Variants in TDRD3 observed in about 807,000 individuals in gnomAD.
TDRD3 encodes tudor domain-containing protein 3.
TDRD3 carries 45 observed loss-of-function variants against 86.7 expected under a neutral mutation model. The observed-to-expected ratio is 0.52, with a 90% CI of 0.41 to 0.67. The LOEUF is 0.67. Ranked by LOEUF, TDRD3 falls within the 30% of genes least tolerant of loss-of-function variation. The probability of loss-of-function intolerance (pLI) is 0.00; values close to 1 mark genes in which losing one functional copy is unlikely to be tolerated. For missense variants in TDRD3, 814 were observed against 889.0 expected (o/e 0.92, Z 1.07); for synonymous variants, 298 against 301.7 (o/e 0.99, Z 0.13).
upstream of TDRD3, among the ~76,000 whole-genome samples, chr13:60,396,267 C>T (rs986062713): frequency 6.6e-6 from 1 of 152,224 alleles, no homozygotes; most frequent in African/African-American, 2.4e-5. Context: ...AAGCCTTTTT[C>T]CCCGCAATAC....
chr13:60,400,792 C>T (rs533494965), intron 1 of TDRD3, among the ~76,000 whole-genome samples: 138 of 151,574 alleles, frequency 9.1e-4, no homozygotes, highest in Non-Finnish European at 9.4e-4. Context: ...GCTTAACTCT[C>T]TCTCTGTGCA....
intron 5 of TDRD3, among the ~76,000 whole-genome samples, chr13:60,478,046 T>A (rs1371243442): frequency 6.6e-6 from 1 of 152,116 alleles, no homozygotes; most frequent in Non-Finnish European, 1.5e-5. Flanking sequence ...ATTATTCAAT[T>A]TCAAAACTTG....
At chr13:60,422,157 GAAAC>G (rs1382483329) in intron 1 of TDRD3, among the ~76,000 whole-genome samples, 8 of 151,968 alleles carry the variant, frequency 5.3e-5, no homozygotes, top group African/African-American at 1.9e-4. Context: ...GGGGGAGAAA[GAAAC>G]AAAAAGGAGG....
intron 10 of TDRD3, among the ~76,000 whole-genome samples, chr13:60,515,076 C>A (rs1248894322): frequency 2.6e-5 from 4 of 152,130 alleles, no homozygotes; most frequent in Non-Finnish European, 2.9e-5. Context: ...CATAGGAATG[C>A]TTACTTTCAA....
chr13:60,415,970 T>C (rs1159237899), intron 1 of TDRD3, among the ~76,000 whole-genome samples: 1 of 152,218 alleles, frequency 6.6e-6, no homozygotes, highest in Non-Finnish European at 1.5e-5. Flanking sequence ...GTCCTTGACT[T>C]GTCTCCTTCC....
At position 60,429,222 on chromosome 13, in the gene TDRD3, A is replaced by G. The variant is rs550208777; in HGVS notation, c.42-10466A>G. On this transcript the variant is annotated intron_variant, in intron 1 of 13. Transcript: ENST00000377881. The stretch of plus-strand genomic sequence containing the variant: ...TTAATTGTAATATTGTGCTTTTTAT[A>G]TGCCTCTTTCATTTTTTACTTCATT... Among the ~76,000 whole-genome samples, 7 of 152,170 alleles carry G rather than the reference A, an allele frequency of 4.6e-5. No individual in the cohort carries two copies. In the South Asian group the frequency reaches 1.2e-3, roughly 27 times the overall value.
chr13:60,482,725 A>G (rs1027909735), intron 5 of TDRD3, among the ~76,000 whole-genome samples: 1 of 152,166 alleles, frequency 6.6e-6, no homozygotes, highest in Non-Finnish European at 1.5e-5. Flanking sequence ...TCTTTGCTCA[A>G]TAAACTGAAT....
At chr13:60,414,211 T>G (rs1954437295) in intron 1 of TDRD3, among the ~76,000 whole-genome samples, 1 of 152,132 alleles carries the variant, frequency 6.6e-6, no homozygotes, top group Non-Finnish European at 1.5e-5. Flanking sequence ...GAGAAGGACA[T>G]GTCTATTACA....
chr13:60,472,186 C>T (rs892571376), intron 5 of TDRD3, among the ~76,000 whole-genome samples: 3 of 152,018 alleles, frequency 2.0e-5, no homozygotes, highest in South Asian at 2.1e-4. Flanking sequence ...TTTTATATGT[C>T]GAAGCATTCT....
At chr13:60,561,106 T>C (rs1232454646) in intron 12 of TDRD3, among the ~76,000 whole-genome samples, 1 of 152,220 alleles carries the variant, frequency 6.6e-6, no homozygotes, top group Non-Finnish European at 1.5e-5. Context: ...GAAACCAAGA[T>C]AATCTGTTAT....
chr13:60,491,769 A>G (rs961478496), intron 7 of TDRD3, among the ~76,000 whole-genome samples: 5 of 151,796 alleles, frequency 3.3e-5, no homozygotes, highest in African/African-American at 9.7e-5. Context: ...GTCAAAATCT[A>G]TGTGAGTTCT....
At position 60,485,686 on chromosome 13, in the gene TDRD3, CT is replaced by C. The variant is rs1956415218; in HGVS notation, c.568-109del. ...TGGGATAGAATTTTATTTGTGTAGGCTTTTAGCTATTGTAAAAGATACAAGA... is the reference window on the plus strand; with the variant it reads ...TGGGATAGAATTTTATTTGTGTAGGCTTTAGCTATTGTAAAAGATACAAGA... On this transcript the variant is annotated intron_variant, in intron 6 of 13. Coordinates refer to ENST00000377881, the MANE Select transcript of TDRD3 (RefSeq NM_001146070.2). 22 of 846,766 alleles carry C rather than the reference CT, an allele frequency of 2.6e-5. No individual in the cohort carries two copies. In the South Asian group the frequency reaches 8.3e-4, roughly 32 times the overall value. 52.5% of individuals were successfully genotyped at this position (846,766 alleles called of 1,614,324 possible).
At chr13:60,521,725 G>A (rs1013345442) in intron 10 of TDRD3, among the ~76,000 whole-genome samples, 6 of 152,014 alleles carry the variant, frequency 3.9e-5, no homozygotes, top group Non-Finnish European at 5.9e-5. Context: ...GAGAAACCCC[G>A]TCTCTACTAA....
chr13:60,562,532 C>G (rs1196288893), intron 12 of TDRD3, among the ~76,000 whole-genome samples: 2 of 152,134 alleles, frequency 1.3e-5, no homozygotes, highest in Non-Finnish European at 2.9e-5. Context: ...GTTTACACTT[C>G]CATACATACA....
rs916107974 is a variant in TDRD3 at position 60,536,045 on chromosome 13, G to A, written c.2118+812G>A. 2.0e-5 allele frequency: 3 copies of A among 152,076 alleles called. No homozygotes were observed. In the South Asian group the frequency reaches 6.2e-4, roughly 32 times the overall value. 9.4% of individuals were successfully genotyped at this position (152,076 alleles called of 1,614,324 possible). On this transcript the variant is annotated intron_variant, in intron 12 of 13. Coordinates refer to ENST00000377881, the MANE Select transcript of TDRD3 (RefSeq NM_001146070.2). ...TTTCCTAAAATAGCAAAATATTCTA[G>A]AAAATTATATCATCCAGAGTAACTT...
Position 60,501,190 on chromosome 13 carries a change from G to T in TDRD3, c.858+6615G>T, listed in dbSNP as rs73208080. Among the ~76,000 whole-genome samples the T allele has an allele frequency of 5.7e-3, 867 of 152,240 alleles. 10 individuals carry two copies. The highest frequency in any genetic ancestry group is 8.2e-3 in the Non-Finnish European group (561 of 68,026). The stretch of plus-strand genomic sequence containing the variant: ...TCTTAACTCCTGTATCATTCCCCCC[G>T]CTGGAGTGGTAACTCTAACTGCTGT... On this transcript the variant is annotated intron_variant, in intron 8 of 13. Transcript: ENST00000377881.
At chr13:60,441,095 A>C (rs898633857) in intron 2 of TDRD3, among the ~76,000 whole-genome samples, 12 of 152,262 alleles carry the variant, frequency 7.9e-5, no homozygotes, top group African/African-American at 2.9e-4. Flanking sequence ...TTTTTAATAA[A>C]TAAAAGACTA....
chr13:60,487,459 AG>A (rs1347908028), intron 7 of TDRD3, among the ~76,000 whole-genome samples: 15 of 152,344 alleles, frequency 9.8e-5, no homozygotes, highest in Middle Eastern at 3.4e-3. Context: ...CTGGGCAATA[AG>A]AGTGAAACTC....
chr13:60,429,790 T>C (rs1287147507), intron 1 of TDRD3, among the ~76,000 whole-genome samples: 1 of 151,768 alleles, frequency 6.6e-6, no homozygotes, highest in Non-Finnish European at 1.5e-5. Flanking sequence ...TTGAAGAAAT[T>C]CCCTTTATCA....
Sources: gnomAD v4.1 joint callset for allele counts (sites outside exome capture counted in the v4.1 genomes callset) on GRCh38, gnomAD v4.1.1 for gene constraint, MANE v1.5 for transcripts, NCBI Gene and HGNC (gene_info 2026-07-23, HGNC 2026-07-21) for gene names.